The following NCS1 variants were observed in gnomAD, a reference collection of about 807,000 sequenced individuals.
The protein encoded by NCS1 is neuronal calcium sensor 1, also known as frequenin homolog.
In NCS1, 6 loss-of-function variants were observed where a neutral mutation model predicts 28.4. That is an observed-to-expected ratio of 0.21 (90% CI 0.12 to 0.42). NCS1 has a LOEUF of 0.42. Ranked by LOEUF, NCS1 falls within the 10% of genes least tolerant of loss-of-function variation. The pLI is 1.00. For synonymous variants in NCS1, 86 were observed against 99.3 expected (o/e 0.87, Z 0.79); for missense variants, 131 against 241.4 (o/e 0.54, Z 3.03).
In NCS1 at chr9:130,234,806, G is replaced by A. The variant is rs1833556950; in HGVS notation, c.*1834G>A. On this transcript the variant is annotated 3_prime_UTR_variant, in exon 8 of 8. Transcript: ENST00000372398. This position sits in a 1 kb window ranked among gnomAD's most constrained non-coding sequence, Gnocchi z 6.1. ...TTGAGCGCTCTTTGGGACCCAGAAG[G>A]AGTCCTTGCACAGGGAAGGCTTGAG... The A allele has an allele frequency of 6.6e-6, 1 of 152,226 alleles. No individual in the cohort carries two copies. The highest frequency in any genetic ancestry group is 2.1e-4 in the South Asian group (1 of 4,832). 9.4% of individuals were successfully genotyped at this position (152,226 alleles called of 1,614,324 possible). A position where few individuals can be genotyped will look rare whatever the true frequency, so the allele number is the denominator to read the frequency against.
intron 1 of NCS1, among the ~76,000 whole-genome samples, chr9:130,174,330 A>C (rs1832532016): frequency 6.6e-6 from 1 of 152,084 alleles, no homozygotes; most frequent in South Asian, 2.1e-4. Context: ...TCACGTGCCA[A>C]GCTCTTGGCA....
At chr9:130,221,407 T>TAGAGAGAGAG (rs1224970441) in intron 4 of NCS1, among the ~76,000 whole-genome samples, 1 of 42,728 alleles carries the variant, frequency 2.3e-5, no homozygotes, top group African/African-American at 1.0e-4. Context: ...TATATATATA[T>TAGAGAGAGAG]ATATATAGAG....
At chr9:130,187,538 C>T (rs1241414314) in intron 1 of NCS1, among the ~76,000 whole-genome samples, 1 of 152,188 alleles carries the variant, frequency 6.6e-6, no homozygotes, top group Non-Finnish European at 1.5e-5. Flanking sequence ...CTCCTGTGGT[C>T]CCTGCAGGAG....
At chr9:130,200,702 C>T (rs1041528718) in intron 1 of NCS1, 12 of 1,536,532 alleles carry the variant, frequency 7.8e-6, no homozygotes, top group Admixed American at 2.0e-5. Flanking sequence ...CTCCCAGCAG[C>T]GGCAGTGGCA....
At chr9:130,197,701 G>A (rs1554906987) in intron 1 of NCS1, among the ~76,000 whole-genome samples, 1 of 152,148 alleles carries the variant, frequency 6.6e-6, no homozygotes, top group South Asian at 2.1e-4. Context: ...GGTGGCTCAC[G>A]CCTGTAATCT....
At chr9:130,210,843 C>CTTTTTTTTTTTTTTTTTTT (rs3055582) in intron 2 of NCS1, among the ~76,000 whole-genome samples, 1 of 141,040 alleles carries the variant, frequency 7.1e-6, no homozygotes, top group African/African-American at 2.6e-5. Flanking sequence ...TTTTTCTTTT[C>CTTTTTTTTTTTTTTTTTTT]TTTTTTTTTT....
At chr9:130,196,401 A>C (rs188919381) in intron 1 of NCS1, among the ~76,000 whole-genome samples, 1 of 152,300 alleles carries the variant, frequency 6.6e-6, no homozygotes, top group East Asian at 1.9e-4. Flanking sequence ...ACCATGTCAC[A>C]AGAGGCTGCA....
In NCS1 at chr9:130,226,092, C is replaced by T. The variant is rs1833410551; in HGVS notation, c.475-297C>T. ...ATTAACCATGACACGTGTGGAGTTA[C>T]AGGGCACTTCCAGTTGGTCAAGCAC... is the stretch of plus-strand genomic sequence containing the variant. On this transcript the variant is annotated intron_variant, in intron 6 of 7. Transcript: ENST00000372398. The surrounding 1 kb of genome is among the most constrained non-coding windows in gnomAD (Gnocchi z 4.8). Among the ~76,000 whole-genome samples the T allele has an allele frequency of 6.6e-6, 1 of 152,218 alleles. No individual in the cohort carries two copies. The highest frequency in any genetic ancestry group is 1.5e-5 in the Non-Finnish European group (1 of 68,040).
Position 130,177,585 on chromosome 9 carries a change from G to A in NCS1, c.64+4858G>A, listed in dbSNP as rs1361891895. Among the ~76,000 whole-genome samples the A allele has an allele frequency of 3.3e-5, 5 of 152,218 alleles. No homozygotes were observed. The highest frequency in any genetic ancestry group is 1.2e-4 in the African/African-American group (5 of 41,466). On this transcript the variant is annotated intron_variant, in intron 1 of 7. Coordinates refer to ENST00000372398, the MANE Select transcript of NCS1 (RefSeq NM_014286.4). This position sits in a 1 kb window ranked among gnomAD's most constrained non-coding sequence, Gnocchi z 4.4. The stretch of plus-strand genomic sequence containing the variant: ...AGCAGCAGCAGGAGAGACTGAGGTG[G>A]ACTCTCGGCATCGGGATGGGCATCT...
rs201884594 is a variant in NCS1 at position 130,223,167 on chromosome 9, G to A, written c.474+8G>A. 1.9e-6 allele frequency: 3 copies of A among 1,590,284 alleles called. No individual in the cohort carries two copies. The highest frequency in any genetic ancestry group is 2.2e-5 in the South Asian group (2 of 90,566). On this transcript the variant is annotated splice_region_variant and intron_variant, in intron 6 of 7. Coordinates refer to ENST00000372398, the MANE Select transcript of NCS1 (RefSeq NM_014286.4). ...TTTGCCATGATGGATAAGGTGAGGT[G>A]GGGGGGCGGGGCTGGTCCTGGACCA...
Position 130,219,657 on chromosome 9 carries a change from C to A in NCS1, c.229-68C>A. On this transcript the variant is annotated intron_variant, in intron 3 of 7. Coordinates refer to ENST00000372398, the MANE Select transcript of NCS1 (RefSeq NM_014286.4). This position sits in a 1 kb window ranked among gnomAD's most constrained non-coding sequence, Gnocchi z 5.7. ...AGCCTGCGACTGCCCCTCGCCCGTCCCGAGGTTCAGCCTGACCCGGTGGCC... is the reference window on the plus strand; with the variant it reads ...AGCCTGCGACTGCCCCTCGCCCGTCACGAGGTTCAGCCTGACCCGGTGGCC... 1.3e-6 allele frequency: 2 copies of A among 1,492,468 alleles called. No homozygotes were observed. The highest frequency in any genetic ancestry group is 1.9e-6 in the Non-Finnish European group (2 of 1,071,036). The allele number at this position is 1,492,468 out of a possible 1,614,324, so 92.5% of individuals were successfully genotyped here. A position where few individuals can be genotyped will look rare whatever the true frequency, so the allele number is the denominator to read the frequency against.
rs1379657091 is a variant in NCS1, at chr9:130,234,581, C to G, written c.*1609C>G. ...TTTTCCATGCCGACATCATGTCACT[C>G]TAGGCCTGGGGTTCAGTTTCCTGTG... On this transcript the variant is annotated 3_prime_UTR_variant, in exon 8 of 8. Coordinates refer to ENST00000372398, the MANE Select transcript of NCS1 (RefSeq NM_014286.4). The surrounding 1 kb of genome is among the most constrained non-coding windows in gnomAD (Gnocchi z 6.1). 1 of 152,446 alleles carries G rather than the reference C, an allele frequency of 6.6e-6. No individual in the cohort carries two copies. Among genetic ancestry groups the G allele is most frequent in the African/African-American group, 2.4e-5 (1 of 41,472 alleles). The allele number at this position is 152,446 out of a possible 1,614,324, so 9.4% of individuals were successfully genotyped here. A position where few individuals can be genotyped will look rare whatever the true frequency, so the allele number is the denominator to read the frequency against.
rs76608357 is a variant in NCS1, at chr9:130,175,585, A to C, written c.64+2858A>C. ...GCCCACCTCATGCATAGCTGGCCAC[A>C]GTGCCAAGGGGGCCTAGAGGGGAGC... On this transcript the variant is annotated intron_variant, in intron 1 of 7. Transcript: ENST00000372398. The surrounding 1 kb of genome is among the most constrained non-coding windows in gnomAD (Gnocchi z 4.9). Among the ~76,000 whole-genome samples the C allele has an allele frequency of 0.049, 7,458 of 152,216 alleles. 234 individuals carry two copies. The highest frequency in any genetic ancestry group is 0.087 in the Admixed American group (1,336 of 15,288).
chr9:130,195,158 C>CA (rs782268810), intron 1 of NCS1, among the ~76,000 whole-genome samples: 4 of 152,200 alleles, frequency 2.6e-5, no homozygotes, highest in Non-Finnish European at 5.9e-5. Context: ...TACAGATGAG[C>CA]AAACCAAGGC....
chr9:130,222,870 C>T lies in NCS1; in HGVS notation c.396+132C>T, dbSNP rs561886646. The T allele has an allele frequency of 2.2e-4, 215 of 993,064 alleles. No homozygotes were observed. The African/African-American group carries it at 3.3e-3, about 15-fold the overall frequency. 61.5% of individuals were successfully genotyped at this position (993,064 alleles called of 1,614,324 possible). On this transcript the variant is annotated intron_variant, in intron 5 of 7. Transcript: ENST00000372398. ...AGCAGGGGTCACTGGCTGAGCCGTT[C>T]TGTACATCTCTGCCTGGGCAGGCAG...
At position 130,217,819 on chromosome 9, in the gene NCS1, C is replaced by G. The variant is rs1833210506; in HGVS notation, c.90-13C>G. The stretch of plus-strand genomic sequence containing the variant: ...TCTCCTTTACCCTCTCTGGCCCGGT[C>G]TGCTGCCTCCAGGTACAAAGGCTTC... On this transcript the variant is annotated splice_polypyrimidine_tract_variant and intron_variant, in intron 2 of 7. Transcript: ENST00000372398. The G allele has an allele frequency of 6.2e-7, 1 of 1,614,038 alleles. No individual in the cohort carries two copies. Among genetic ancestry groups the G allele is most frequent in the African/African-American group, 1.3e-5 (1 of 74,922 alleles).
intron 1 of NCS1, 77 bp downstream of exon 1, chr9:130,172,804 C>T (rs1373918681): frequency 1.3e-6 from 1 of 796,670 alleles, no homozygotes; most frequent in Admixed American, 4.0e-5. Context: ...CCCCCGGACC[C>T]GCGCGCTACC....
At chr9:130,201,390 A>G (rs1165819912) in intron 2 of NCS1, among the ~76,000 whole-genome samples, 6 of 152,080 alleles carry the variant, frequency 3.9e-5, no homozygotes, top group African/African-American at 1.2e-4. Flanking sequence ...AGGGATGGCA[A>G]ATGGGTTTGC....
rs1564701081 is a variant in NCS1 at position 130,177,253 on chromosome 9, G to A, written c.64+4526G>A. Among the ~76,000 whole-genome samples, 1 of 152,170 alleles carries A rather than the reference G, an allele frequency of 6.6e-6. No individual in the cohort carries two copies. Among genetic ancestry groups the A allele is most frequent in the Admixed American group, 6.5e-5 (1 of 15,282 alleles). ...GTGTCTCTGGTTGTGGACTGTCCTG[G>A]GGCCCATGAGGGCCCCTTCCTCTAG... On this transcript the variant is annotated intron_variant, in intron 1 of 7. Transcript: ENST00000372398. This position sits in a 1 kb window ranked among gnomAD's most constrained non-coding sequence, Gnocchi z 4.4.
Sources: gnomAD v4.1 joint callset for allele counts (sites outside exome capture counted in the v4.1 genomes callset) on GRCh38, gnomAD v4.1.1 for gene constraint, Gnocchi (gnomAD v3.1) non-coding constraint, MANE v1.5 for transcripts, NCBI Gene and HGNC (gene_info 2026-07-23, HGNC 2026-07-21) for gene names.